The following TMEM52 variants were observed in gnomAD, a reference collection of about 807,000 sequenced individuals.
TMEM52 encodes transmembrane protein 52.
In TMEM52, 14 loss-of-function variants were observed where a neutral mutation model predicts 16.2. That is an observed-to-expected ratio of 0.87 (90% confidence interval 0.57 to 1.35). The LOEUF (loss-of-function observed/expected upper bound fraction) is 1.35, where lower values mean the gene tolerates loss of function less well. Among genes scored for constraint, TMEM52 ranks in the 40% most tolerant of loss-of-function variants. The pLI, the probability that TMEM52 is intolerant of heterozygous loss-of-function variation, is 0.00. For missense variants in TMEM52, 309 were observed against 278.6 expected, an observed-to-expected ratio of 1.11 and a Z score of -0.78; for synonymous variants, 136 against 124.7, an observed-to-expected ratio of 1.09 and a Z score of -0.60.
intron 2 of TMEM52, 45 bp from the exon 3 acceptor site, chr1:1,918,979 C>A (rs1179185289): frequency 7.4e-7 from 1 of 1,347,038 alleles, no homozygotes; most frequent in Non-Finnish European, 9.5e-7. Flanking sequence ...ATGGGACGGC[C>A]GACCTCGCCA....
At position 1,918,275 on chromosome 1, in the gene TMEM52, G is replaced by A. The variant is rs1651218531; in HGVS notation, c.327C>T (p.Ser109=). 1.2e-6 allele frequency: 2 copies of A among 1,612,714 alleles called. No homozygotes were observed. Among genetic ancestry groups the A allele is most frequent in the African/African-American group, 1.3e-5 (1 of 74,902 alleles). Residue 109 remains serine (S), a synonymous_variant, in exon 4 of 5, where the codon AGC becomes AGT. Transcript: ENST00000310991. ...DVAVIPMDSD[S]PVHSTVTSYS... ...CACAGGTCACAGTGCTGTGTACAGG[G>A]CTGTCACTGTCCATAGGGATGACTG... is the stretch of plus-strand genomic sequence containing the variant.
Position 1,917,836 on chromosome 1 carries a change from C to G in TMEM52, c.*46G>C. ...CGGTGGGGTGGGCTGGGGCCCTTGG[C>G]TCCAAGCATTAGTTCTCCAAGCTCT... On this transcript the variant is annotated 3_prime_UTR_variant, in exon 5 of 5. Coordinates refer to ENST00000310991, the MANE Select transcript of TMEM52 (RefSeq NM_178545.4). The G allele has an allele frequency of 6.3e-7, 1 of 1,582,168 alleles. No homozygotes were observed. Among genetic ancestry groups the G allele is most frequent in the Non-Finnish European group, 8.6e-7 (1 of 1,160,222 alleles).
intron 3 of TMEM52, 97 bp from the exon 4 acceptor site, chr1:1,918,528 A>G (rs1359618020): frequency 1.9e-6 from 2 of 1,079,296 alleles, no homozygotes; most frequent in Non-Finnish European, 1.4e-6. Flanking sequence ...ACAGGTTAAC[A>G]GGATAAAAAG....
chr1:1,918,626 G>A, intron 3 of TMEM52, 195 bp from the exon 4 acceptor site: 1 of 714,262 alleles, frequency 1.4e-6, no homozygotes, highest in Non-Finnish European at 2.5e-6. Context: ...CTCCTGGGCT[G>A]GCCAGGGGTG....
chr1:1,918,787 G>A lies in TMEM52; in HGVS notation c.170+106C>T, dbSNP rs1242551067. 4 of 1,331,114 alleles carry A rather than the reference G, an allele frequency of 3.0e-6. No individual in the cohort carries two copies. The African/African-American group carries it at 4.4e-5, about 15-fold the overall frequency. The allele number at this position is 1,331,114 out of a possible 1,614,324, so 82.5% of individuals were successfully genotyped here. The stretch of plus-strand genomic sequence containing the variant: ...AGTTCCCGCCAGCGGCCGGGACTGG[G>A]CGACAGCGGAGGCGGCCTGGTGAGG... On this transcript the variant is annotated intron_variant, in intron 3 of 4. Transcript: ENST00000310991.
chr1:1,918,298 C>T lies in TMEM52; in HGVS notation c.304G>A (p.Val102Ile). 6.2e-7 allele frequency: 1 copy of T among 1,612,848 alleles called. No homozygotes were observed. The highest frequency in any genetic ancestry group is 1.6e-4 in the Middle Eastern group (1 of 6,062). The change falls in exon 4 of 5, where the codon GTC (valine) becomes ATC (isoleucine). Residue 102 changes from valine to isoleucine, a missense_variant. Val to Ile is a conservative substitution (Grantham distance 29). Transcript: ENST00000310991. Reference protein sequence around the residue: ...PPARQPCDVAVIPMDSDSPVH... With the variant: ...PPARQPCDVAIIPMDSDSPVH... ...GGGCTGTCACTGTCCATAGGGATGA[C>T]TGCCACGTCGCAGGGCTGCCGTGCT...
chr1:1,919,236 T>G lies in TMEM52; in HGVS notation c.30A>C (p.Gly10=). MARGPLAAR[G]LRLLLPLLPL... is the part of the protein sequence containing the mutation. ...GCAGGAGCGGCAGCAGCAGCCGCAG[T>G]CCGCGGGCGGCCAGCGGCCCCCGGG... Residue 10 remains glycine (G), a synonymous_variant, in exon 1 of 5, where the codon GGA becomes GGC. Coordinates refer to ENST00000310991, the MANE Select transcript of TMEM52 (RefSeq NM_178545.4). 1.5e-6 allele frequency: 2 copies of G among 1,364,662 alleles called. No individual in the cohort carries two copies. Among genetic ancestry groups the G allele is most frequent in the South Asian group, 1.7e-5 (1 of 58,208 alleles). 84.5% of individuals were successfully genotyped at this position (1,364,662 alleles called of 1,614,324 possible). A position where few individuals can be genotyped will look rare whatever the true frequency, so the allele number is the denominator to read the frequency against.
Position 1,917,819 on chromosome 1 carries a change from T to A in TMEM52, c.*63A>T, listed in dbSNP as rs1651194385. 6.5e-6 allele frequency: 10 copies of A among 1,541,094 alleles called. No homozygotes were observed. The highest frequency in any genetic ancestry group is 8.8e-6 in the Non-Finnish European group (10 of 1,130,984). On this transcript the variant is annotated 3_prime_UTR_variant, in exon 5 of 5. Transcript: ENST00000310991. ...CACAGCAATGTGTGGGACGGTGGGG[T>A]GGGCTGGGGCCCTTGGCTCCAAGCA... is the stretch of plus-strand genomic sequence containing the variant.
intron 3 of TMEM52, 187 bp from the exon 4 acceptor site, chr1:1,918,618 C>G (rs1336119539): frequency 2.7e-6 from 2 of 734,052 alleles, no homozygotes; most frequent in Non-Finnish European, 4.8e-6. Context: ...GGCTATCTCT[C>G]CTGGGCTGGC....
chr1:1,918,481 C>T, intron 3 of TMEM52, 50 bp from the exon 4 acceptor site: 1 of 1,498,016 alleles, frequency 6.7e-7, no homozygotes, highest in Non-Finnish European at 9.2e-7. Flanking sequence ...CACCGGGCAC[C>T]TGCACCCTGG....
chr1:1,918,526 A>T (rs1288162341), intron 3 of TMEM52, 95 bp from the exon 4 acceptor site: 2 of 1,099,212 alleles, frequency 1.8e-6, no homozygotes, highest in East Asian at 2.6e-5. Flanking sequence ...AGACAGGTTA[A>T]CAGGATAAAA....
rs768260066 is a variant in TMEM52 at position 1,918,055 on chromosome 1, G to C, written c.457C>G (p.Pro153Ala). The C allele has an allele frequency of 1.9e-6, 3 of 1,613,644 alleles. No individual in the cohort carries two copies. The highest frequency in any genetic ancestry group is 1.1e-5 in the South Asian group (1 of 91,086). ...ACAGCTTCATCGTAGGAGGGTGGAG[G>C]CTCCGGGGTGTACAGGCTGTAGGCA... Reference protein sequence around the residue: ...PPAYSLYTPEPPPSYDEAVKM... With the variant: ...PPAYSLYTPEAPPSYDEAVKM... The change falls in exon 5 of 5, where the codon CCT becomes GCT. Residue 153 changes from proline (P) to alanine (A), a missense_variant. Coordinates refer to ENST00000310991, the MANE Select transcript of TMEM52 (RefSeq NM_178545.4).
chr1:1,919,150 G>T, intron 1 of TMEM52, 32 bp downstream of exon 1: 1 of 1,364,170 alleles, frequency 7.3e-7, no homozygotes, highest in South Asian at 1.7e-5. Flanking sequence ...CCCCGCGGTG[G>T]CCGAACCGAG....
chr1:1,918,300 G>A lies in TMEM52; in HGVS notation c.302C>T (p.Ala101Val), dbSNP rs780299108. 6.2e-7 allele frequency: 1 copy of A among 1,612,900 alleles called. No homozygotes were observed. The change falls in exon 4 of 5, where the codon GCA becomes GTA. Residue 101 changes from alanine to valine, a missense_variant. Transcript: ENST00000310991. ...GCTGTCACTGTCCATAGGGATGACTGCCACGTCGCAGGGCTGCCGTGCTGG... is the reference window on the plus strand; with the variant it reads ...GCTGTCACTGTCCATAGGGATGACTACCACGTCGCAGGGCTGCCGTGCTGG... ...LPPARQPCDV[A>V]VIPMDSDSPV... is the part of the protein sequence containing the mutation.
At chr1:1,918,989 A>G (rs2295363) in intron 2 of TMEM52, 55 bp from the exon 3 acceptor site, 741,197 of 1,341,862 alleles carry the variant, frequency 0.55, 205,630 homozygotes, top group Admixed American at 0.63. Context: ...CGACCTCGCC[A>G]CCCGTGCCTC....
chr1:1,918,185 C>T (rs764912463), intron 4 of TMEM52, 23 bp from the exon 5 acceptor site: 4 of 1,608,966 alleles, frequency 2.5e-6, no homozygotes, highest in African/African-American at 2.7e-5. Context: ...AGAGTGGGTT[C>T]GTGGAGGCGG....
chr1:1,918,513 CGAA>C, intron 3 of TMEM52, 82 bp from the exon 4 acceptor site: 1 of 1,175,848 alleles, frequency 8.5e-7, no homozygotes, highest in Non-Finnish European at 1.2e-6. Flanking sequence ...GCACAACCAC[CGAA>C]GACAGGTTAA....
chr1:1,918,478 C>T (rs1305506252), intron 3 of TMEM52, 47 bp from the exon 4 acceptor site: 7 of 1,502,288 alleles, frequency 4.7e-6, no homozygotes, highest in Middle Eastern at 3.4e-4. Flanking sequence ...GGCCACCGGG[C>T]ACCTGCACCC....
At chr1:1,918,612 A>G in intron 3 of TMEM52, 181 bp from the exon 4 acceptor site, 4 of 749,578 alleles carry the variant, frequency 5.3e-6, no homozygotes, top group South Asian at 3.1e-5. Flanking sequence ...TGCCCTGGCT[A>G]TCTCTCCTGG....
Sources: gnomAD v4.1 joint callset for allele counts on GRCh38, gnomAD v4.1.1 for gene constraint, MANE v1.5 for transcripts, NCBI Gene and HGNC (gene_info 2026-07-23, HGNC 2026-07-21) for gene names.